The following DLG2 variants were observed in gnomAD, a reference collection of about 807,000 sequenced individuals.
DLG2 encodes discs large MAGUK scaffold protein 2, also known as disks large homolog 2.
A neutral mutation model predicts 132.5 loss-of-function variants in DLG2; 45 were observed. That is an observed-to-expected ratio of 0.34 (90% CI 0.27 to 0.44). The LOEUF (loss-of-function observed/expected upper bound fraction) is 0.44, where lower values mean the gene tolerates loss of function less well. Among genes scored for constraint, DLG2 ranks in the 20% least tolerant of loss-of-function variants. The pLI, the probability that DLG2 is intolerant of heterozygous loss-of-function variation, is 1.00. For synonymous variants in DLG2, 424 were observed against 419.6 expected, an observed-to-expected ratio of 1.01 and a Z score of -0.13; for missense variants, 1,045 against 1,196.9, an observed-to-expected ratio of 0.87 and a Z score of 1.87.
chr11:84,923,555 T>C (rs2092863136), intron 6 of DLG2: 1 of 1,005,494 alleles, frequency 9.9e-7, no homozygotes, highest in Non-Finnish European at 1.2e-6. Context: ...TCCTATTAAA[T>C]ACTTTACAAT....
rs1384949474 is a variant in DLG2 at position 83,724,472 on chromosome 11, T to TGAGAGAGA, written c.1825+62217_1825+62218insTCTCTCTC. On this transcript the variant is annotated intron_variant, in intron 18 of 27. Transcript: ENST00000376104. ...ATCTCTCTCTCCGTGTGTGTGTGTGTGTGTGAGAGAGAGAGAGAGAGAGAG... is the reference window on the plus strand; with the variant it reads ...ATCTCTCTCTCCGTGTGTGTGTGTGTGAGAGAGAGTGTGAGAGAGAGAGAGAGAGAGAG... Among the ~76,000 whole-genome samples the TGAGAGAGA allele has an allele frequency of 4.0e-3, 386 of 97,438 alleles. 1 individual carries two copies. The highest frequency in any genetic ancestry group is 0.012 in the Middle Eastern group (2 of 162). 63.9% of individuals were successfully genotyped at this position (97,438 alleles called of 152,430 possible).
intron 7 of DLG2, among the ~76,000 whole-genome samples, chr11:84,473,953 T>C (rs1411563284): frequency 1.3e-5 from 2 of 152,104 alleles, no homozygotes; most frequent in African/African-American, 4.8e-5. Context: ...TGGTGAGCTA[T>C]GGATTTTCAG....
intron 3 of DLG2, among the ~76,000 whole-genome samples, chr11:85,514,796 G>A (rs750993891): frequency 3.3e-5 from 5 of 151,848 alleles, no homozygotes; most frequent in Admixed American, 2.0e-4. Context: ...TGAGTTTCAG[G>A]AAGGAGTCAC....
intron 11 of DLG2, among the ~76,000 whole-genome samples, chr11:84,001,937 C>T (rs1330294133): frequency 6.6e-6 from 1 of 151,934 alleles, no homozygotes; most frequent in Non-Finnish European, 1.5e-5. Flanking sequence ...TAAGATACAG[C>T]AAAAGCAGTA....
chr11:84,058,148 T>G (rs2096533766), intron 11 of DLG2, among the ~76,000 whole-genome samples: 1 of 152,112 alleles, frequency 6.6e-6, no homozygotes, highest in African/African-American at 2.4e-5. Context: ...GGTAGGCTTA[T>G]TTTTTCAATC....
intron 6 of DLG2, among the ~76,000 whole-genome samples, chr11:84,921,092 TAAATA>T (rs145272990): frequency 0.12 from 18,238 of 151,918 alleles, 1,325 homozygotes; most frequent in African/African-American, 0.2. Flanking sequence ...AAATGTAATA[TAAATA>T]AAATAAAACA....
Position 84,073,930 on chromosome 11 carries a change from A to G in DLG2, c.750-14446T>C, listed in dbSNP as rs114848053. 5.0e-3 allele frequency among the ~76,000 whole-genome samples: 760 copies of G among 152,336 alleles called. 6 individuals are homozygous for G. Among genetic ancestry groups the G allele is most frequent in the African/African-American group, 0.017 (715 of 41,574 alleles). ...ATACGTACGCAGGGAAAATACATAT[A>G]ATTTCATTGTATGTAATTGCAGCAG... On this transcript the variant is annotated intron_variant, in intron 10 of 27. Coordinates refer to ENST00000376104, the MANE Select transcript of DLG2 (RefSeq NM_001142699.3).
chr11:84,502,200 CTCCTTCCTTCCTTCCTTCCT>C (rs1218812487), intron 7 of DLG2, among the ~76,000 whole-genome samples: 132 of 9,822 alleles, frequency 0.013, 5 homozygotes, highest in Admixed American at 0.031. Flanking sequence ...CTCTCTCTCT[CTCCTTCCTTCCTTCCTTCCT>C]TCCTTCCTTC....
chr11:85,293,698 G>A (rs755622402), intron 3 of DLG2, among the ~76,000 whole-genome samples: 33 of 152,164 alleles, frequency 2.2e-4, no homozygotes, highest in Non-Finnish European at 4.4e-4. Flanking sequence ...AACGGGTAAT[G>A]TAACTTAGAT....
chr11:83,571,592 CA>C (rs71066051), intron 19 of DLG2, among the ~76,000 whole-genome samples: 11,349 of 113,750 alleles, frequency 0.1, 916 homozygotes, highest in African/African-American at 0.27. Flanking sequence ...GACTCCGTCT[CA>C]AAAAAAAAAA....
intron 7 of DLG2, among the ~76,000 whole-genome samples, chr11:84,339,918 T>C (rs1477197203): frequency 1.3e-5 from 2 of 152,160 alleles, no homozygotes; most frequent in Non-Finnish European, 2.9e-5. Flanking sequence ...ATTTCTTCAG[T>C]ATCAGTAAAT....
At chr11:83,850,164 T>G (rs373294086) in intron 16 of DLG2, among the ~76,000 whole-genome samples, 1,031 of 39,246 alleles carry the variant, frequency 0.026, 33 homozygotes, top group African/African-American at 0.11. Flanking sequence ...GTGTGTGTTT[T>G]TTTACTTGAG....
chr11:84,631,034 A>T (rs1468269001), intron 6 of DLG2, among the ~76,000 whole-genome samples: 33 of 148,354 alleles, frequency 2.2e-4, no homozygotes, highest in African/African-American at 4.3e-4. Context: ...ACACACACAC[A>T]CACACACACA....
rs150380364 is a variant in DLG2 at position 85,576,266 on chromosome 11, T to C, written c.40+22391A>G. On this transcript the variant is annotated intron_variant, in intron 3 of 27. Coordinates refer to ENST00000376104, the MANE Select transcript of DLG2 (RefSeq NM_001142699.3). ...ATGTAAACAAGTAAAATTTGCATACTTTAATAGGTCTATCAATTTTAAATG... is the reference window on the plus strand; with the variant it reads ...ATGTAAACAAGTAAAATTTGCATACCTTAATAGGTCTATCAATTTTAAATG... Among the ~76,000 whole-genome samples, 478 of 152,302 alleles carry C rather than the reference T, an allele frequency of 3.1e-3. 3 individuals are homozygous for C. Among genetic ancestry groups the C allele is most frequent in the African/African-American group, 0.011 (449 of 41,574 alleles).
At chr11:84,743,728 T>C (rs780251360) in intron 6 of DLG2, among the ~76,000 whole-genome samples, 8 of 150,230 alleles carry the variant, frequency 5.3e-5, no homozygotes, top group Admixed American at 1.3e-4. Flanking sequence ...TCTAACATAC[T>C]GAAGGAAAGA....
At chr11:84,409,938 G>C (rs17808062) in intron 7 of DLG2, among the ~76,000 whole-genome samples, 1 of 152,136 alleles carries the variant, frequency 6.6e-6, no homozygotes, top group Non-Finnish European at 1.5e-5. Flanking sequence ...ATGGAGATTA[G>C]AATTGTGACT....
At chr11:83,653,488 G>A (rs1339986436) in intron 18 of DLG2, among the ~76,000 whole-genome samples, 2 of 152,110 alleles carry the variant, frequency 1.3e-5, no homozygotes, top group African/African-American at 2.4e-5. Flanking sequence ...TATTTTGTCT[G>A]TAAATGCAAG....
At chr11:85,607,850 C>T (rs1306343057) in intron 2 of DLG2, among the ~76,000 whole-genome samples, 1 of 152,176 alleles carries the variant, frequency 6.6e-6, no homozygotes, top group Non-Finnish European at 1.5e-5. Flanking sequence ...CAGGGTATGG[C>T]CCTCCACTTA....
intron 6 of DLG2, among the ~76,000 whole-genome samples, chr11:84,609,777 T>G (rs886413899): frequency 4.6e-5 from 7 of 152,166 alleles, no homozygotes; most frequent in African/African-American, 1.7e-4. Context: ...CTCCAGCATC[T>G]TTTGCCAACA....
Sources: allele counts gnomAD v4.1 joint callset (sites outside exome capture counted in the v4.1 genomes callset), GRCh38; gene constraint gnomAD v4.1.1; transcripts MANE v1.5; gene names NCBI Gene and HGNC (gene_info 2026-07-23, HGNC 2026-07-21).